The following SMG7 variants were observed in gnomAD, a reference collection of about 807,000 sequenced individuals.
SMG7 encodes nonsense-mediated mRNA decay factor SMG7.
SMG7 carries 34 observed loss-of-function variants against 148.2 expected under a neutral mutation model. The observed-to-expected ratio is 0.23, with a 90% CI of 0.17 to 0.31. SMG7 has a LOEUF of 0.31. SMG7 is among the 10% of genes least tolerant of loss of function. The pLI is 1.00. For synonymous variants in SMG7, 492 were observed against 515.1 expected (o/e 0.96, Z 0.61); for missense variants, 1,114 against 1,408.4 (o/e 0.79, Z 3.35).
chr1:183,548,425 G>T (rs1272183377), intron 18 of SMG7, among the ~76,000 whole-genome samples: 5 of 152,052 alleles, frequency 3.3e-5, no homozygotes, highest in Admixed American at 3.3e-4. Flanking sequence ...CTTAGTTCCT[G>T]TTCCTGTTCC....
At position 183,542,315 on chromosome 1, in the gene SMG7, A is replaced by C. The variant is rs1018515557; in HGVS notation, c.1655A>C (p.Lys552Thr). 7 of 1,614,080 alleles carry C rather than the reference A, an allele frequency of 4.3e-6. No homozygotes were observed. The African/African-American group carries it at 9.3e-5, about 22-fold the overall frequency. Residue 552 changes from lysine to threonine, a missense_variant, in exon 14 of 23, where the codon AAG becomes ACG. By Grantham distance (78) the Lys-to-Thr change is moderately conservative. Around this residue, in one of 4 missense-constraint regions of SMG7, gnomAD observed 788 missense variants for 894.5 expected, o/e 0.88. Coordinates refer to ENST00000688051, the MANE Select transcript of SMG7 (RefSeq NM_001375584.1). Reference protein sequence around the residue: ...KPVVTFKENIKTREVNRDQGR... With the variant: ...KPVVTFKENITTREVNRDQGR... ...GTGGTTACCTTCAAAGAAAACATTA[A>C]GACACGAGAAGTGAACAGAGACCAA...
At chr1:183,525,475 G>A (rs1665653367) in intron 4 of SMG7, among the ~76,000 whole-genome samples, 1 of 152,146 alleles carries the variant, frequency 6.6e-6, no homozygotes, top group African/African-American at 2.4e-5. Flanking sequence ...GAAAAGTGTG[G>A]ACTCCTTTGA....
At chr1:183,515,721 T>C (rs1663349777) in intron 2 of SMG7, among the ~76,000 whole-genome samples, 153 bp from the exon 3 acceptor site, 1 of 151,848 alleles carries the variant, frequency 6.6e-6, no homozygotes, top group Non-Finnish European at 1.5e-5. Context: ...ATTTGAAATA[T>C]AGTAGTATAA....
At chr1:183,542,540 G>T (rs768349198) in intron 14 of SMG7, 38 bp downstream of exon 14, 2 of 1,545,030 alleles carry the variant, frequency 1.3e-6, no homozygotes, top group African/African-American at 2.8e-5. Flanking sequence ...GTAGAGGAAG[G>T]CTCACACAAA....
Position 183,527,801 on chromosome 1 carries a change from T to C in SMG7, c.485-155T>C, listed in dbSNP as rs1666151117. The C allele has an allele frequency of 4.9e-6, 3 of 614,234 alleles. No individual in the cohort carries two copies. Among genetic ancestry groups the C allele is most frequent in the Non-Finnish European group, 9.0e-6 (3 of 332,182 alleles). 38.0% of individuals were successfully genotyped at this position (614,234 alleles called of 1,614,324 possible). A position where few individuals can be genotyped will look rare whatever the true frequency, so the allele number is the denominator to read the frequency against. ...AGGCTGATGGACACTTCACACATAATCCTATAGTTAATTTGTTTTAAAGTA... is the reference window on the plus strand; with the variant it reads ...AGGCTGATGGACACTTCACACATAACCCTATAGTTAATTTGTTTTAAAGTA... On this transcript the variant is annotated intron_variant, in intron 5 of 22. Transcript: ENST00000688051. The surrounding 1 kb of genome is among the most constrained non-coding windows in gnomAD (Gnocchi z 4.0).
chr1:183,540,634 A>G (rs953686642), intron 12 of SMG7, among the ~76,000 whole-genome samples: 2 of 152,178 alleles, frequency 1.3e-5, no homozygotes, highest in Non-Finnish European at 2.9e-5. Context: ...ATTTCAAGCA[A>G]ATTACTTGGC....
Position 183,513,089 on chromosome 1 carries a change from A to G in SMG7, c.61+221A>G, listed in dbSNP as rs113663099. On this transcript the variant is annotated intron_variant, in intron 2 of 22. Coordinates refer to ENST00000688051, the MANE Select transcript of SMG7 (RefSeq NM_001375584.1). ...GTAATACTAATATATGGTATACTGA[A>G]TTGAATGTTACCTAATTTAGTTTAT... 1.5e-3 allele frequency: 670 copies of G among 442,758 alleles called. 6 individuals are homozygous for G. The highest frequency in any genetic ancestry group is 0.012 in the African/African-American group (564 of 48,900). The allele number at this position is 442,758 out of a possible 1,614,324, so 27.4% of individuals were successfully genotyped here.
intron 1 of SMG7, among the ~76,000 whole-genome samples, chr1:183,477,547 T>C (rs1335144945): frequency 1.3e-5 from 2 of 149,074 alleles, no homozygotes; most frequent in Non-Finnish European, 3.0e-5. Context: ...TATATGCATA[T>C]ATACGTGTGT....
chr1:183,548,441 T>C (rs1304361243), intron 18 of SMG7, among the ~76,000 whole-genome samples: 5 of 152,184 alleles, frequency 3.3e-5, no homozygotes, highest in Admixed American at 6.5e-5. Context: ...GTTCCCTTAG[T>C]GTCCCTTTCA....
At position 183,554,030 on chromosome 1, in the gene SMG7, G is replaced by A. The variant is rs1236095392; in HGVS notation, c.*2099G>A. 1.3e-5 allele frequency: 2 copies of A among 152,532 alleles called. No homozygotes were observed. Among genetic ancestry groups the A allele is most frequent in the African/African-American group, 2.4e-5 (1 of 41,444 alleles). 9.4% of individuals were successfully genotyped at this position (152,532 alleles called of 1,614,324 possible). ...TATCATCCTCACTGTGGAGTAATGA[G>A]GGGGAGGAGAATCTTTATCAGAAAC... is the stretch of plus-strand genomic sequence containing the variant. On this transcript the variant is annotated 3_prime_UTR_variant, in exon 23 of 23. Coordinates refer to ENST00000688051, the MANE Select transcript of SMG7 (RefSeq NM_001375584.1).
At chr1:183,531,563 T>C (rs1303026742) in intron 8 of SMG7, among the ~76,000 whole-genome samples, 1 of 152,156 alleles carries the variant, frequency 6.6e-6, no homozygotes, top group Non-Finnish European at 1.5e-5. Context: ...CCATGCACTT[T>C]TCTAGGCTTT....
In SMG7 at chr1:183,545,010, T is replaced by G. The variant is rs775276534; in HGVS notation, c.2068T>G (p.Ser690Ala). ...AGGTTACACCTTCCCAGCTGGTGTTTCTGTCCCAGGAACCTTTCTTCAGCC... is the reference window on the plus strand; with the variant it reads ...AGGTTACACCTTCCCAGCTGGTGTTGCTGTCCCAGGAACCTTTCTTCAGCC... The part of the protein sequence containing the change: ...GSGYTFPAGV[S>A]VPGTFLQPTA... The change falls in exon 16 of 23, where the codon TCT becomes GCT. Residue 690 changes from serine (S) to alanine (A), a missense_variant. Physicochemically the swap from Ser to Ala is moderately conservative, Grantham distance 99. Transcript: ENST00000688051. The G allele has an allele frequency of 7.5e-5, 121 of 1,614,046 alleles. No homozygotes were observed. The South Asian group carries it at 1.3e-3, about 17-fold the overall frequency.
intron 15 of SMG7, 48 bp from the exon 16 acceptor site, chr1:183,544,881 AT>A: frequency 6.4e-7 from 1 of 1,565,584 alleles, no homozygotes; most frequent in Non-Finnish European, 8.6e-7. Flanking sequence ...TTTTTTTGCA[AT>A]TTTTTGCTGT....
At chr1:183,494,669 G>A (rs1305555566) in intron 1 of SMG7, among the ~76,000 whole-genome samples, 2 of 148,226 alleles carry the variant, frequency 1.3e-5, no homozygotes, top group Non-Finnish European at 3.0e-5. Flanking sequence ...ATTATAGATT[G>A]GCATTTTTTC....
Position 183,546,362 on chromosome 1 carries a change from G to T in SMG7, c.2742+25G>T, listed in dbSNP as rs757716983. On this transcript the variant is annotated intron_variant, in intron 17 of 22. Coordinates refer to ENST00000688051, the MANE Select transcript of SMG7 (RefSeq NM_001375584.1). Reference sequence around the variant, plus strand: ...GGTGTGTGTTCTTTCCTATCACCAGGCAATTTGGAGATAGGTCTGAGGTTG... The same window carrying T: ...GGTGTGTGTTCTTTCCTATCACCAGTCAATTTGGAGATAGGTCTGAGGTTG... 20 of 1,584,110 alleles carry T rather than the reference G, an allele frequency of 1.3e-5. No individual in the cohort carries two copies. In the Admixed American group the frequency reaches 2.0e-4, roughly 16 times the overall value.
chr1:183,475,785 G>T (rs1652010604), intron 1 of SMG7, among the ~76,000 whole-genome samples: 1 of 152,086 alleles, frequency 6.6e-6, no homozygotes, highest in Non-Finnish European at 1.5e-5. Context: ...TTGTTAATGT[G>T]CCTTATATTT....
chr1:183,491,943 A>G (rs1657147262), intron 1 of SMG7, among the ~76,000 whole-genome samples: 1 of 152,184 alleles, frequency 6.6e-6, no homozygotes, highest in African/African-American at 2.4e-5. Flanking sequence ...ATGGAAGGGC[A>G]AAAAAGGCCG....
intron 1 of SMG7, among the ~76,000 whole-genome samples, chr1:183,512,121 A>G (rs1186434498): frequency 6.6e-6 from 1 of 152,156 alleles, no homozygotes; most frequent in African/African-American, 2.4e-5. Flanking sequence ...AATGTGTGAG[A>G]TACTTGGACA....
chr1:183,517,644 A>C, intron 3 of SMG7, 44 bp from the exon 4 acceptor site: 1 of 1,601,296 alleles, frequency 6.2e-7, no homozygotes, highest in Non-Finnish European at 8.6e-7. Flanking sequence ...GTGTCTGCCC[A>C]GTGAGTCACT....
Sources: allele counts gnomAD v4.1 joint callset (sites outside exome capture counted in the v4.1 genomes callset), GRCh38; gene constraint gnomAD v4.1.1; regional missense constraint gnomAD v4.1.1; non-coding constraint Gnocchi (gnomAD v3.1); transcripts MANE v1.5; gene names NCBI Gene and HGNC (gene_info 2026-07-23, HGNC 2026-07-21).